The following CEP162 variants were observed in gnomAD, a reference collection of about 807,000 sequenced individuals.
CEP162 encodes centrosomal protein of 162 kDa.
In CEP162, 141 loss-of-function variants were observed where a neutral mutation model predicts 169.2. That is an observed-to-expected ratio of 0.83 (90% CI 0.73 to 0.96). The LOEUF (loss-of-function observed/expected upper bound fraction) is 0.96, where lower values mean the gene tolerates loss of function less well. CEP162 is among the 40% of genes least tolerant of loss of function. The pLI is 0.00. For synonymous variants in CEP162, 540 were observed against 526.4 expected (o/e 1.03, Z -0.35); for missense variants, 1,600 against 1,587.2 (o/e 1.01, Z -0.14).
Position 84,171,632 on chromosome 6 carries a change from A to C in CEP162, c.2253T>G (p.Ser751Arg), listed in dbSNP as rs2099530161. 6.6e-7 allele frequency: 1 copy of C among 1,522,492 alleles called. No individual in the cohort carries two copies. The highest frequency in any genetic ancestry group is 8.8e-7 in the Non-Finnish European group (1 of 1,133,954). The allele number at this position is 1,522,492 out of a possible 1,614,324, so 94.3% of individuals were successfully genotyped here. ...TTAAGGAAGCTACCTCACTGAATAA[A>C]CTTTGGTTTTCCTTAAACATTCGCT... Reference protein sequence around the residue: ...NEERMFKENQSLFSEVASLKE... With the variant: ...NEERMFKENQRLFSEVASLKE... Residue 751 changes from serine (S) to arginine (R), a missense_variant, in exon 17 of 27, where the codon AGT becomes AGG. By Grantham distance (110) the Ser-to-Arg change is moderately radical. Coordinates refer to ENST00000403245, the MANE Select transcript of CEP162 (RefSeq NM_014895.4).
At chr6:84,151,574 G>A (rs975834656) in intron 23 of CEP162, among the ~76,000 whole-genome samples, 8 of 152,226 alleles carry the variant, frequency 5.3e-5, no homozygotes, top group African/African-American at 1.9e-4. Context: ...AGTAAATCTA[G>A]AAGTCATGGT....
rs1415654636 is a variant in CEP162 at position 84,126,330 on chromosome 6, A to G, written c.4005+48T>C. On this transcript the variant is annotated intron_variant, in intron 26 of 26. Coordinates refer to ENST00000403245, the MANE Select transcript of CEP162 (RefSeq NM_014895.4). ...GACAAAACTATAGCAAATTAAAGGC[A>G]CTTAAAAGTAAAGACCTATATAAAT... 3 of 1,380,528 alleles carry G rather than the reference A, an allele frequency of 2.2e-6. No individual in the cohort carries two copies. In the Admixed American group the frequency reaches 8.0e-5, roughly 37 times the overall value. 85.5% of individuals were successfully genotyped at this position (1,380,528 alleles called of 1,614,324 possible).
chr6:84,204,914 TA>T (rs2127737324), intron 6 of CEP162, among the ~76,000 whole-genome samples: 1 of 152,140 alleles, frequency 6.6e-6, no homozygotes, highest in East Asian at 1.9e-4. Flanking sequence ...CCCACAGAAA[TA>T]CAAACCACCA....
chr6:84,188,146 T>C lies in CEP162; in HGVS notation c.1110-1523A>G, dbSNP rs182302978. Among the ~76,000 whole-genome samples, 219 of 151,404 alleles carry C rather than the reference T, an allele frequency of 1.4e-3. 3 individuals carry two copies. The highest frequency in any genetic ancestry group is 9.4e-3 in the Admixed American group (143 of 15,200). ...GAGTGTCATCTTCACATTTAAGTAT[T>C]GTTTCCCCAAATATCCAGAGAACTG... On this transcript the variant is annotated intron_variant, in intron 11 of 26. Transcript: ENST00000403245.
intron 1 of CEP162, among the ~76,000 whole-genome samples, chr6:84,227,286 A>T (rs951474033): frequency 1.3e-5 from 2 of 151,946 alleles, no homozygotes; most frequent in Non-Finnish European, 2.9e-5. Context: ...GCAGAGTAAC[A>T]CCTCTTCCCC....
At chr6:84,192,879 G>A (rs952767537) in intron 11 of CEP162, among the ~76,000 whole-genome samples, 1 of 152,214 alleles carries the variant, frequency 6.6e-6, no homozygotes, top group African/African-American at 2.4e-5. Context: ...AACCCATGGA[G>A]ATGCTGTAAG....
intron 9 of CEP162, among the ~76,000 whole-genome samples, chr6:84,200,359 G>C (rs1265599294): frequency 6.6e-6 from 1 of 152,196 alleles, no homozygotes; most frequent in African/African-American, 2.4e-5. Flanking sequence ...TAAGCTTTAG[G>C]AAAGTCTAGT....
intron 25 of CEP162, among the ~76,000 whole-genome samples, chr6:84,136,831 T>C (rs1288709451): frequency 6.6e-6 from 1 of 152,218 alleles, no homozygotes; most frequent in Non-Finnish European, 1.5e-5. Flanking sequence ...TTCTTCTGCA[T>C]GAGAAACTGA....
chr6:84,130,216 C>T (rs150984640), intron 25 of CEP162, among the ~76,000 whole-genome samples: 1 of 152,182 alleles, frequency 6.6e-6, no homozygotes, highest in African/African-American at 2.4e-5. Context: ...CTGACTTGAT[C>T]ATGGTGGATA....
chr6:84,183,867 C>T (rs1347727099), intron 13 of CEP162, among the ~76,000 whole-genome samples: 2 of 152,152 alleles, frequency 1.3e-5, no homozygotes, highest in Non-Finnish European at 2.9e-5. Flanking sequence ...TGGCTCCTGA[C>T]AGTCTAACTC....
intron 21 of CEP162, among the ~76,000 whole-genome samples, chr6:84,156,349 C>G (rs1174219405): frequency 6.6e-6 from 1 of 152,058 alleles, no homozygotes; most frequent in African/African-American, 2.4e-5. Flanking sequence ...AAAGCAAATG[C>G]AACAAAACCA....
chr6:84,205,202 G>A (rs62449308), intron 6 of CEP162, among the ~76,000 whole-genome samples: 5,786 of 152,212 alleles, frequency 0.038, 166 homozygotes, highest in Admixed American at 0.091. Context: ...GAAAAAGAGG[G>A]AATCCTCCCT....
chr6:84,150,654 A>G (rs2099520748), intron 23 of CEP162, among the ~76,000 whole-genome samples: 1 of 152,172 alleles, frequency 6.6e-6, no homozygotes, highest in African/African-American at 2.4e-5. Flanking sequence ...CAATATTAAC[A>G]AATTTTAAAT....
intron 8 of CEP162, among the ~76,000 whole-genome samples, chr6:84,201,416 GT>G (rs2099544449): frequency 6.6e-6 from 1 of 152,192 alleles, no homozygotes. Context: ...GTGTGTGTGT[GT>G]GTATGTATAT....
At chr6:84,223,371 T>A (rs1476674437) in intron 2 of CEP162, among the ~76,000 whole-genome samples, 1 of 150,614 alleles carries the variant, frequency 6.6e-6, no homozygotes, top group African/African-American at 2.4e-5. Context: ...TGGTGGCGCA[T>A]GCCTGTAATC....
At chr6:84,194,741 C>A in intron 10 of CEP162, 143 bp downstream of exon 10, 1 of 683,748 alleles carries the variant, frequency 1.5e-6, no homozygotes, top group Admixed American at 3.1e-5. Context: ...CATCAGCCAC[C>A]TCGCCTGGCT....
intron 6 of CEP162, among the ~76,000 whole-genome samples, chr6:84,209,381 T>C (rs1157648002): frequency 6.6e-6 from 1 of 152,076 alleles, no homozygotes; most frequent in Non-Finnish European, 1.5e-5. Context: ...TACTTTTTTT[T>C]TTTTTTTCTT....
intron 21 of CEP162, among the ~76,000 whole-genome samples, chr6:84,157,666 CA>C (rs201652492): frequency 2.1e-5 from 3 of 146,060 alleles, no homozygotes; most frequent in Non-Finnish European, 3.0e-5. Context: ...GACAACGTCT[CA>C]AAAAAAAAAG....
At chr6:84,155,973 TC>T (rs1231483966) in intron 21 of CEP162, among the ~76,000 whole-genome samples, 1 of 152,154 alleles carries the variant, frequency 6.6e-6, no homozygotes, top group African/African-American at 2.4e-5. Flanking sequence ...CTACCTGACT[TC>T]AAATTGTACT....
Sources: gnomAD v4.1 joint callset for allele counts (sites outside exome capture counted in the v4.1 genomes callset) on GRCh38, gnomAD v4.1.1 for gene constraint, MANE v1.5 for transcripts, NCBI Gene and HGNC (gene_info 2026-07-23, HGNC 2026-07-21) for gene names.